PLCXD1: variants seen among roughly 807,000 people sequenced by gnomAD.
The protein encoded by PLCXD1 is PI-PLC X domain-containing protein 1.
In PLCXD1, 45 loss-of-function variants were observed where a neutral mutation model predicts 37.8. The ratio of observed to expected loss-of-function variants is 1.19; its 90% CI spans 0.94 to 1.53. The LOEUF is 1.53. Ranked by LOEUF, PLCXD1 falls within the 40% of genes most tolerant of loss-of-function variation. PLCXD1 has a pLI of 0.00. For synonymous variants in PLCXD1, 246 were observed against 206.9 expected (o/e 1.19, Z -1.62); for missense variants, 539 against 454.7 (o/e 1.19, Z -1.69).
chrX:278,177 T>A (rs1394120297), upstream of PLCXD1, among the ~76,000 whole-genome samples: 1 of 9,840 alleles, frequency 1.0e-4, no homozygotes, highest in Non-Finnish European at 3.3e-4. Context: ...AGGGGAGGGG[T>A]CGGGGGACGT....
chrX:296,930 A>G (rs28563885), intron 6 of PLCXD1, among the ~76,000 whole-genome samples: 4 of 57,346 alleles, frequency 7.0e-5, no homozygotes, highest in Admixed American at 4.6e-4. Context: ...TATTCTGTCT[A>G]TCACATGGGG....
At chrX:289,758 G>C (rs758967398) in intron 3 of PLCXD1, among the ~76,000 whole-genome samples, 2 of 151,466 alleles carry the variant, frequency 1.3e-5, no homozygotes, top group African/African-American at 4.8e-5. Flanking sequence ...TGATCCACCC[G>C]CCTCAGCCTC....
intron 5 of PLCXD1, among the ~76,000 whole-genome samples, 183 bp from the exon 6 acceptor site, chrX:292,852 A>T (rs1314974913): frequency 1.3e-5 from 2 of 151,924 alleles, no homozygotes; most frequent in Non-Finnish European, 2.9e-5. Context: ...ACCTCAGGTG[A>T]TCCACCCACC....
At chrX:285,746 CACACAT>C (rs1158971606) in intron 2 of PLCXD1, among the ~76,000 whole-genome samples, 7 of 152,238 alleles carry the variant, frequency 4.6e-5, no homozygotes, top group Non-Finnish European at 1.0e-4. Flanking sequence ...GGCATACGGA[CACACAT>C]ACACATGCAC....
At chrX:280,291 A>G (rs1325525588), upstream of PLCXD1, among the ~76,000 whole-genome samples, 169 of 92,316 alleles carry the variant, frequency 1.8e-3, no homozygotes, top group African/African-American at 2.6e-3. Flanking sequence ...GCCGTGCAGG[A>G]GGAGGGGAGG....
At chrX:288,705 C>T (rs771611546) in intron 2 of PLCXD1, 28 bp from the exon 3 acceptor site, 5 of 1,612,774 alleles carry the variant, frequency 3.1e-6, no homozygotes, top group African/African-American at 2.7e-5. Flanking sequence ...CTCGTGGTGA[C>T]ATGTCCGCGT....
At chrX:292,371 A>G (rs2069665425) in intron 5 of PLCXD1, among the ~76,000 whole-genome samples, 2 of 152,164 alleles carry the variant, frequency 1.3e-5, no homozygotes, top group South Asian at 2.1e-4. Flanking sequence ...AGGCAGGAGA[A>G]TGGTGTGAAC....
chrX:298,795 A>T (rs1468841922), intron 6 of PLCXD1, among the ~76,000 whole-genome samples: 6 of 119,848 alleles, frequency 5.0e-5, no homozygotes, highest in Admixed American at 8.3e-5. Flanking sequence ...TCTGTCTATC[A>T]CATGGGGATT....
upstream of PLCXD1, among the ~76,000 whole-genome samples, chrX:277,170 T>C (rs991314385): frequency 6.8e-6 from 1 of 146,566 alleles, no homozygotes; most frequent in Non-Finnish European, 1.5e-5. Flanking sequence ...CTCCACTTTG[T>C]CATGTGTGGG....
chrX:290,520 C>A, intron 3 of PLCXD1, 128 bp from the exon 4 acceptor site: 1 of 959,640 alleles, frequency 1.0e-6, no homozygotes, highest in Non-Finnish European at 1.6e-6. Flanking sequence ...ATACAAACAG[C>A]TGTTGTTACG....
Position 300,678 on chromosome X carries a change from G to A in PLCXD1, c.*1343G>A, listed in dbSNP as rs1353665648. ...TATATACACACGTATACATATATAC[G>A]TGCGTGTGTATGTGTATATATATAT... On this transcript the variant is annotated 3_prime_UTR_variant, in exon 7 of 7. Coordinates refer to ENST00000381657, the MANE Select transcript of PLCXD1 (RefSeq NM_018390.4). 8 of 151,794 alleles carry A rather than the reference G, an allele frequency of 5.3e-5. No homozygotes were observed. Among genetic ancestry groups the A allele is most frequent in the East Asian group, 1.9e-4 (1 of 5,182 alleles). 9.4% of individuals were successfully genotyped at this position (151,794 alleles called of 1,614,324 possible).
intron 2 of PLCXD1, among the ~76,000 whole-genome samples, chrX:287,543 TATATAG>T (rs1483062798): frequency 3.9e-5 from 4 of 103,432 alleles, no homozygotes; most frequent in Non-Finnish European, 6.7e-5. Context: ...TATATGTTTA[TATATAG>T]ATATAGATAC....
chrX:288,411 C>T (rs761630776), intron 2 of PLCXD1, among the ~76,000 whole-genome samples: 92 of 152,302 alleles, frequency 6.0e-4, no homozygotes, highest in African/African-American at 2.1e-3. Flanking sequence ...CCTCCGTCTC[C>T]ACGAGGCCTC....
In PLCXD1 at chrX:294,209, G is replaced by A. The variant is rs151162988; in HGVS notation, c.733+991G>A. On this transcript the variant is annotated intron_variant, in intron 6 of 6. Coordinates refer to ENST00000381657, the MANE Select transcript of PLCXD1 (RefSeq NM_018390.4). ...AAAAATTAGCGGGCACAGGCCGGGC[G>A]CGGTGGCTCACGCCTGTAATCCCAG... Among the ~76,000 whole-genome samples the A allele has an allele frequency of 9.7e-3, 1,473 of 152,312 alleles. 8 individuals carry two copies. Among genetic ancestry groups the A allele is most frequent in the East Asian group, 0.04 (207 of 5,166 alleles).
At position 300,998 on chromosome X, in the gene PLCXD1, C is replaced by G. The variant is rs1329189972; in HGVS notation, c.*1663C>G. The G allele has an allele frequency of 6.6e-6, 1 of 151,914 alleles. No individual in the cohort carries two copies. The highest frequency in any genetic ancestry group is 1.5e-5 in the Non-Finnish European group (1 of 68,014). 9.4% of individuals were successfully genotyped at this position (151,914 alleles called of 1,614,324 possible). Reference sequence around the variant, plus strand: ...GATGACAGGCATGAGCCACTGTGCCCAGCCGCCGATATTTCTTTAAATTAT... The same window carrying G: ...GATGACAGGCATGAGCCACTGTGCCGAGCCGCCGATATTTCTTTAAATTAT... On this transcript the variant is annotated 3_prime_UTR_variant, in exon 7 of 7. Transcript: ENST00000381657.
intron 2 of PLCXD1, among the ~76,000 whole-genome samples, chrX:288,335 T>C (rs1195549246): frequency 6.6e-6 from 1 of 151,030 alleles, no homozygotes; most frequent in Non-Finnish European, 1.5e-5. Flanking sequence ...GGATCCTTCC[T>C]GCCTCTCCCA....
intron 1 of PLCXD1, chrX:283,326 G>T (rs1464213820): frequency 6.6e-6 from 1 of 151,644 alleles, no homozygotes; most frequent in Non-Finnish European, 1.5e-5. Flanking sequence ...ACAGAGGGAC[G>T]GGGGCTCCAA....
At chrX:279,108 T>C (rs2069210652), upstream of PLCXD1, among the ~76,000 whole-genome samples, 1 of 152,018 alleles carries the variant, frequency 6.6e-6, no homozygotes, top group African/African-American at 2.4e-5. Flanking sequence ...AGAGGAGGGA[T>C]TGCAAGGTGC....
chrX:292,230 C>A (rs954231615), intron 5 of PLCXD1, among the ~76,000 whole-genome samples: 7 of 151,628 alleles, frequency 4.6e-5, no homozygotes, highest in Non-Finnish European at 8.8e-5. Context: ...CCGAGGCGGG[C>A]GGATCATGAG....
Sources: allele counts gnomAD v4.1 joint callset (sites outside exome capture counted in the v4.1 genomes callset), GRCh38; gene constraint gnomAD v4.1.1; transcripts MANE v1.5; gene names NCBI Gene and HGNC (gene_info 2026-07-23, HGNC 2026-07-21).